The following ASNS variants were observed in gnomAD, a reference collection of about 807,000 sequenced individuals.
The protein encoded by ASNS is asparagine synthetase (glutamine-hydrolyzing).
In ASNS, 37 loss-of-function variants were observed where a neutral mutation model predicts 62.6. The observed-to-expected ratio is 0.59, with a 90% CI of 0.45 to 0.78. ASNS has a LOEUF of 0.78. Ranked by LOEUF, ASNS falls within the 30% of genes least tolerant of loss-of-function variation. ASNS has a pLI of 0.00. For synonymous variants in ASNS, 207 were observed against 237.9 expected, an observed-to-expected ratio of 0.87 and a Z score of 1.19; for missense variants, 520 against 682.4, an observed-to-expected ratio of 0.76 and a Z score of 2.65.
chr7:97,908,976 C>A, the ASNS span: 1 of 152,100 alleles, frequency 6.6e-6, no homozygotes, highest in Admixed American at 6.6e-5. Flanking sequence ...AAAGAACGAA[C>A]CCTCAAGGAA....
At chr7:97,904,317 C>CACACACAGAG in the ASNS span, among the ~76,000 whole-genome samples, 1 of 146,520 alleles carries the variant, frequency 6.8e-6, no homozygotes, top group Non-Finnish European at 1.5e-5. Context: ...CACACACACA[C>CACACACAGAG]AGAGAGAGAG....
the ASNS span, among the ~76,000 whole-genome samples, chr7:97,896,729 CACACACACACACATATAT>C: frequency 3.3e-5 from 1 of 29,904 alleles, no homozygotes; most frequent in African/African-American, 9.0e-5. Context: ...CACACACACA[CACACACACACACATATAT>C]ATATATATAT....
At chr7:97,916,383 A>G in the ASNS span, among the ~76,000 whole-genome samples, 1 of 152,178 alleles carries the variant, frequency 6.6e-6, no homozygotes, top group South Asian at 2.1e-4. Flanking sequence ...CTCCGTCTCA[A>G]AAAAGAAAGA....
intron 2 of ASNS, 36 bp from the exon 3 acceptor site, chr7:97,869,215 A>T: frequency 6.3e-7 from 1 of 1,592,388 alleles, no homozygotes; most frequent in Non-Finnish European, 8.6e-7. Context: ...AAAAATATTC[A>T]ATATCCAATC....
chr7:97,879,000 C>A, the ASNS span, among the ~76,000 whole-genome samples: 1 of 152,154 alleles, frequency 6.6e-6, no homozygotes, highest in Non-Finnish European at 1.5e-5. Flanking sequence ...ACATTATCTA[C>A]AACTATCTGA....
At position 97,851,911 on chromosome 7, in the gene ASNS, G is replaced by A. The variant is rs183104287; in HGVS notation, c.*348C>T. ...AAAAATAGTGTAGTCCTTTGATGACGTCCCTAAGATGAGGCAAGGACTGGA... is the reference window on the plus strand; with the variant it reads ...AAAAATAGTGTAGTCCTTTGATGACATCCCTAAGATGAGGCAAGGACTGGA... On this transcript the variant is annotated 3_prime_UTR_variant, in exon 13 of 13. Transcript: ENST00000394308. 45 of 272,168 alleles carry A rather than the reference G, an allele frequency of 1.7e-4. No homozygotes were observed. The highest frequency in any genetic ancestry group is 8.7e-4 in the East Asian group (10 of 11,552). 16.9% of individuals were successfully genotyped at this position (272,168 alleles called of 1,614,324 possible).
chr7:97,918,644 CTT>C, the ASNS span, among the ~76,000 whole-genome samples: 1 of 152,182 alleles, frequency 6.6e-6, no homozygotes, highest in Non-Finnish European at 1.5e-5. Flanking sequence ...AATACATGTG[CTT>C]GTGTGCACAG....
the ASNS span, among the ~76,000 whole-genome samples, chr7:97,915,932 G>A: frequency 3.9e-5 from 6 of 152,082 alleles, no homozygotes; most frequent in East Asian, 1.9e-4. Context: ...GAGGCTCTTC[G>A]GTGGTATTTC....
At chr7:97,854,227 T>C (rs1791320502) in intron 10 of ASNS, among the ~76,000 whole-genome samples, 1 of 152,344 alleles carries the variant, frequency 6.6e-6, no homozygotes, top group East Asian at 1.9e-4. Flanking sequence ...TTTAAAACAC[T>C]TAACGGTAGC....
chr7:97,853,524 A>G (rs1167841494), intron 10 of ASNS, 138 bp from the exon 11 acceptor site: 7 of 655,508 alleles, frequency 1.1e-5, no homozygotes, highest in Non-Finnish European at 1.8e-5. Context: ...AAGCCTCCTA[A>G]TGACTGCCCT....
At chr7:97,894,724 A>G in the ASNS span, among the ~76,000 whole-genome samples, 50 of 152,308 alleles carry the variant, frequency 3.3e-4, no homozygotes, top group African/African-American at 1.1e-3. Flanking sequence ...GGTTTGACTC[A>G]GTAACATAAA....
chr7:97,912,339 G>GT, the ASNS span, among the ~76,000 whole-genome samples: 2 of 151,990 alleles, frequency 1.3e-5, no homozygotes, highest in Admixed American at 6.6e-5. Context: ...GGTCAGGGCT[G>GT]TTTTTTTGAG....
rs765514478 is a variant in ASNS at position 97,853,119 on chromosome 7, C to T, written c.1417G>A (p.Gly473Arg). Reference sequence around the variant, plus strand: ...CAGGAATTCTTAACTGAAGTTATTCCATCACTGAAGGCTTCTTTTGGTCGC... The same window carrying T: ...CAGGAATTCTTAACTGAAGTTATTCTATCACTGAAGGCTTCTTTTGGTCGC... ...LWRPKEAFSD[G>R]ITSVKNSWFK... The change falls in exon 12 of 13, where the codon GGA becomes AGA. Residue 473 changes from glycine to arginine, a missense_variant. By Grantham distance (125) the Gly-to-Arg change is moderately radical (BLOSUM62 -2). Transcript: ENST00000394308. 1.2e-6 allele frequency: 2 copies of T among 1,608,754 alleles called. No homozygotes were observed. Among genetic ancestry groups the T allele is most frequent in the Non-Finnish European group, 1.7e-6 (2 of 1,178,338 alleles).
chr7:97,907,662 G>A, the ASNS span, among the ~76,000 whole-genome samples: 1,592 of 152,082 alleles, frequency 0.01, 11 homozygotes, highest in African/African-American at 0.018. Flanking sequence ...CCAGCTACTC[G>A]GGAGGCTGAG....
At position 97,864,380 on chromosome 7, in the gene ASNS, T is replaced by C. The variant is rs11554429; in HGVS notation, c.366A>G (p.Ala122=). ...TATTGGCAGTATCCAGTAAAACAAATGCAAACACACCATCCAACATACAAA... is the reference window on the plus strand; with the variant it reads ...TATTGGCAGTATCCAGTAAAACAAACGCAAACACACCATCCAACATACAAA... ...QTICMLDGVF[A]FVLLDTANKK... is the part of the protein sequence containing the mutation. Residue 122 remains alanine, a synonymous_variant, in exon 4 of 13, where the codon GCA becomes GCG. Coordinates refer to ENST00000394308, the MANE Select transcript of ASNS (RefSeq NM_001673.5). 6.2e-7 allele frequency: 1 copy of C among 1,613,828 alleles called. No homozygotes were observed. The highest frequency in any genetic ancestry group is 8.5e-7 in the Non-Finnish European group (1 of 1,179,916).
intron 6 of ASNS, 79 bp downstream of exon 6, chr7:97,858,775 T>A: frequency 7.4e-7 from 1 of 1,350,394 alleles, no homozygotes; most frequent in Non-Finnish European, 1.0e-6. Context: ...TATTTTATAG[T>A]AAAAACCAAA....
intron 1 of ASNS, chr7:97,870,132 T>C (rs1316538817): frequency 1.8e-6 from 1 of 553,334 alleles, no homozygotes; most frequent in African/African-American, 2.0e-5. Context: ...GCTGTTTTAT[T>C]TGGCTGCTGC....
chr7:97,876,590 G>A (rs1319371526), upstream of ASNS, among the ~76,000 whole-genome samples: 19 of 151,842 alleles, frequency 1.3e-4, no homozygotes, highest in Non-Finnish European at 2.2e-4. Context: ...ACCACTCCCA[G>A]TTAATTTTTG....
the ASNS span, among the ~76,000 whole-genome samples, chr7:97,919,328 C>G: frequency 1.3e-5 from 2 of 152,172 alleles, no homozygotes; most frequent in Non-Finnish European, 2.9e-5. Flanking sequence ...TTTGGCCAAG[C>G]TGGTCTCGAA....
Sources: gnomAD v4.1 joint callset for allele counts (sites outside exome capture counted in the v4.1 genomes callset) on GRCh38, gnomAD v4.1.1 for gene constraint, MANE v1.5 for transcripts, NCBI Gene and HGNC (gene_info 2026-07-23, HGNC 2026-07-21) for gene names.